The following CROCC2 variants were observed in gnomAD, a reference collection of about 807,000 sequenced individuals.
CROCC2 encodes ciliary rootlet coiled-coil, rootletin family member 2.
Under a neutral mutation model 177.6 loss-of-function variants are expected in CROCC2, and 163 were observed. The observed-to-expected ratio is 0.92, with a 90% confidence interval of 0.81 to 1.05. CROCC2 has a LOEUF of 1.05. Among genes scored for constraint, CROCC2 ranks in the 50% least tolerant of loss-of-function variants. The pLI is 0.00. For missense variants in CROCC2, 1,929 were observed against 1,797.8 expected (o/e 1.07, Z -1.32); for synonymous variants, 904 against 787.3 (o/e 1.15, Z -2.48).
In CROCC2 at chr2:240,953,505, C is replaced by A. The variant is rs1453220954; in HGVS notation, c.2830-2354C>A. Among the ~76,000 whole-genome samples, 1 of 152,114 alleles carries A rather than the reference C, an allele frequency of 6.6e-6. No homozygotes were observed. Among genetic ancestry groups the A allele is most frequent in the Non-Finnish European group, 1.5e-5 (1 of 68,026 alleles). On this transcript the variant is annotated intron_variant, in intron 18 of 31. Coordinates refer to ENST00000690015, the MANE Select transcript of CROCC2 (RefSeq NM_001351305.2). This position sits in a 1 kb window ranked among gnomAD's most constrained non-coding sequence, Gnocchi z 4.0. ...CCCTCCCCTGGACCCACAGCAGAAC[C>A]ACAATAAGGGGCACCCCAGGGGCAC...
Position 240,965,888 on chromosome 2 carries a change from G to T in CROCC2, c.3856G>T (p.Ala1286Ser). The T allele has an allele frequency of 7.0e-7, 1 of 1,436,194 alleles. No homozygotes were observed. The highest frequency in any genetic ancestry group is 9.1e-7 in the Non-Finnish European group (1 of 1,093,114). 89.0% of individuals were successfully genotyped at this position (1,436,194 alleles called of 1,614,324 possible). ...CCAGGCTGAGGGTGCAAGGCAGGAT[G>T]CGGAGGCCCAGCTGGGCCGGCTGTG... ...LAQAEGARQD[A>S]EAQLGRLCST... Residue 1286 changes from alanine to serine, a missense_variant, in exon 24 of 32, where the codon GCG becomes TCG. Coordinates refer to ENST00000690015, the MANE Select transcript of CROCC2 (RefSeq NM_001351305.2).
At chr2:240,921,245 C>T (rs554708555) in intron 3 of CROCC2, among the ~76,000 whole-genome samples, 3 of 152,302 alleles carry the variant, frequency 2.0e-5, no homozygotes, top group East Asian at 1.9e-4. Context: ...CTGAGGGGCC[C>T]GTTCTCTGCT....
intron 14 of CROCC2, among the ~76,000 whole-genome samples, 153 bp downstream of exon 14, chr2:240,935,741 G>A (rs764987858): frequency 1.8e-4 from 27 of 152,044 alleles, no homozygotes; most frequent in Non-Finnish European, 2.9e-4. Context: ...TGGCCTCCCC[G>A]TGGGGGTGGG....
chr2:240,909,339 A>ACCTGGGGTGAGCTCTACCTCCTCCC (rs2059272856), intron 1 of CROCC2, among the ~76,000 whole-genome samples: 5 of 150,444 alleles, frequency 3.3e-5, no homozygotes, highest in Middle Eastern at 3.4e-3. Flanking sequence ...TACCTCCTCC[A>ACCTGGGGTGAGCTCTACCTCCTCCC]CCTGGGGTGA....
In CROCC2 at chr2:240,949,846, T is replaced by C. The variant is rs752135605; in HGVS notation, c.2652+144T>C. The C allele has an allele frequency of 1.5e-4, 128 of 849,098 alleles. No individual in the cohort carries two copies. The highest frequency in any genetic ancestry group is 2.1e-4 in the Non-Finnish European group (118 of 554,090). The allele number at this position is 849,098 out of a possible 1,614,324, so 52.6% of individuals were successfully genotyped here. ...CAGGGCTGGGCAAGGACCAGCTCAC[T>C]CTTTATAGTTCACGTGGGCATCCAG... is the stretch of plus-strand genomic sequence containing the variant. On this transcript the variant is annotated intron_variant, in intron 17 of 31. Transcript: ENST00000690015. This position sits in a 1 kb window ranked among gnomAD's most constrained non-coding sequence, Gnocchi z 4.5.
intron 11 of CROCC2, 22 bp downstream of exon 11, chr2:240,933,874 G>A (rs1195108004): frequency 1.3e-6 from 2 of 1,536,752 alleles, no homozygotes; most frequent in Non-Finnish European, 1.8e-6. Context: ...TGGCTGGGTG[G>A]GCAGGGCCCC....
intron 14 of CROCC2, among the ~76,000 whole-genome samples, chr2:240,941,804 T>C (rs973887422): frequency 3.3e-5 from 5 of 152,234 alleles, no homozygotes; most frequent in African/African-American, 1.2e-4. Flanking sequence ...AAAATGTAGG[T>C]GTTGAAACTT....
At chr2:240,939,893 C>T (rs78146956) in intron 14 of CROCC2, among the ~76,000 whole-genome samples, 5,761 of 152,180 alleles carry the variant, frequency 0.038, 326 homozygotes, top group African/African-American at 0.13. Flanking sequence ...AATTCCATCA[C>T]GATCGGAGGA....
rs977206468 is a variant in CROCC2, at chr2:240,933,120, C to A, written c.1252-11C>A. ...GGCCAGAGAGGCCCACAACTTACCC[C>A]ACCCGAGCAGGAGCTGTGCCTGCAG... On this transcript the variant is annotated splice_polypyrimidine_tract_variant and intron_variant, in intron 9 of 31. Transcript: ENST00000690015. 6.5e-6 allele frequency: 10 copies of A among 1,550,074 alleles called. No individual in the cohort carries two copies. The highest frequency in any genetic ancestry group is 1.7e-4 in the Middle Eastern group (1 of 5,934).
rs1257435819 is a variant in CROCC2 at position 240,922,531 on chromosome 2, C to A, written c.382-8C>A. ...AGCCAGACCAGGTGGGCTATTGCTC[C>A]TCCCCAGCTGCAGGCCCGGCTGGAG... On this transcript the variant is annotated splice_polypyrimidine_tract_variant and splice_region_variant and intron_variant, in intron 3 of 31. Transcript: ENST00000690015. 1.2e-5 allele frequency: 8 copies of A among 694,704 alleles called. No individual in the cohort carries two copies. The highest frequency in any genetic ancestry group is 2.2e-5 in the Non-Finnish European group (8 of 371,558). The allele number at this position is 694,704 out of a possible 1,614,324, so 43.0% of individuals were successfully genotyped here.
chr2:240,937,927 G>A (rs906804711), intron 14 of CROCC2, among the ~76,000 whole-genome samples: 1 of 152,160 alleles, frequency 6.6e-6, no homozygotes, highest in African/African-American at 2.4e-5. Context: ...CCTCTCTCCT[G>A]CCACCATGTG....
chr2:240,955,852 T>G lies in CROCC2; in HGVS notation c.2830-7T>G, dbSNP rs1234136106. 2.2e-5 allele frequency: 34 copies of G among 1,528,612 alleles called. No individual in the cohort carries two copies. Among genetic ancestry groups the G allele is most frequent in the Non-Finnish European group, 2.9e-5 (33 of 1,141,198 alleles). The allele number at this position is 1,528,612 out of a possible 1,614,324, so 94.7% of individuals were successfully genotyped here. On this transcript the variant is annotated splice_region_variant and splice_polypyrimidine_tract_variant and intron_variant, in intron 18 of 31. Transcript: ENST00000690015. ...ACTTTCTCACAAGCATACCCCGTCC[T>G]GTTCAGGCCCTGTCCCTGAAAGAAA...
At chr2:240,988,697 C>T in intron 28 of CROCC2, 42 bp from the exon 29 acceptor site, 1 of 1,341,862 alleles carries the variant, frequency 7.5e-7, no homozygotes, top group South Asian at 2.1e-5. Flanking sequence ...ACCTCACTCC[C>T]TGCCAGGAGG....
rs943678179 is a variant in CROCC2 at position 240,963,433 on chromosome 2, A to G, written c.3088-123A>G. On this transcript the variant is annotated intron_variant, in intron 20 of 31. Transcript: ENST00000690015. The stretch of plus-strand genomic sequence containing the variant: ...TGGCTCCATGGGGTGAGCAAAGCGC[A>G]TGGGGACCAAGTTGGGCAGGGCACC... The G allele has an allele frequency of 6.1e-5, 64 of 1,042,754 alleles. No individual in the cohort carries two copies. The Middle Eastern group carries it at 9.7e-4, about 16-fold the overall frequency. 64.6% of individuals were successfully genotyped at this position (1,042,754 alleles called of 1,614,324 possible).
In CROCC2 at chr2:240,949,654, C is replaced by T. The variant is rs2059542102; in HGVS notation, c.2604C>T (p.Ser868=). 6.5e-7 allele frequency: 1 copy of T among 1,533,784 alleles called. No homozygotes were observed. Among genetic ancestry groups the T allele is most frequent in the Non-Finnish European group, 8.8e-7 (1 of 1,138,334 alleles). The change falls in exon 17 of 32, where the codon AGC becomes AGT. Residue 868 remains serine (S), a synonymous_variant. Transcript: ENST00000690015. This position sits in a 1 kb window ranked among gnomAD's most constrained non-coding sequence, Gnocchi z 4.5. ...QEREAQRALE[S]QALAHREALA... ...GGGAGGCACAGCGGGCCCTGGAGAG[C>T]CAGGCGTTGGCCCACCGAGAGGCCC... is the stretch of plus-strand genomic sequence containing the variant.
chr2:240,906,981 G>C (rs1280321845), intron 1 of CROCC2, among the ~76,000 whole-genome samples: 1 of 79,672 alleles, frequency 1.3e-5, no homozygotes, highest in African/African-American at 3.7e-5. Flanking sequence ...TGGAGAGAGA[G>C]CCCGGGGCCG....
chr2:240,934,532 G>T (rs1396077739), intron 12 of CROCC2, 57 bp downstream of exon 12: 2 of 1,485,150 alleles, frequency 1.3e-6, no homozygotes, highest in African/African-American at 2.9e-5. Flanking sequence ...ACCCACCCTG[G>T]CCTCACTGAC....
At position 240,958,680 on chromosome 2, in the gene CROCC2, G is replaced by A. The variant is rs2059609792; in HGVS notation, c.2944-621G>A. The A allele has an allele frequency of 2.6e-6, 2 of 770,744 alleles. No homozygotes were observed. The highest frequency in any genetic ancestry group is 1.3e-4 in the Admixed American group (2 of 15,986). 47.7% of individuals were successfully genotyped at this position (770,744 alleles called of 1,614,324 possible). A position where few individuals can be genotyped will look rare whatever the true frequency, so the allele number is the denominator to read the frequency against. On this transcript the variant is annotated intron_variant, in intron 19 of 31. Transcript: ENST00000690015. This position sits in a 1 kb window ranked among gnomAD's most constrained non-coding sequence, Gnocchi z 6.7. ...CAGGGCTCGGACCCTTCATGTTGAG[G>A]ACACTGAGGCCCAGGAAGCTGAGAC...
rs1467817206 is a variant in CROCC2 at position 240,949,098 on chromosome 2, G to A, written c.2482+1G>A. Reference sequence around the variant, plus strand: ...GGACTCGCGCGGCAGGCCTTGCAAGGTGCTCCAAGGGCGCTCCCTCAGCTC... The same window carrying A: ...GGACTCGCGCGGCAGGCCTTGCAAGATGCTCCAAGGGCGCTCCCTCAGCTC... On this transcript the variant is annotated splice_donor_variant, in intron 16 of 31. Transcript: ENST00000690015. LOFTEE classifies it high-confidence loss of function. The surrounding 1 kb of genome is among the most constrained non-coding windows in gnomAD (Gnocchi z 4.5). 2.6e-6 allele frequency: 4 copies of A among 1,536,178 alleles called. No individual in the cohort carries two copies. Among genetic ancestry groups the A allele is most frequent in the Admixed American group, 2.1e-5 (1 of 48,680 alleles).
Sources: gnomAD v4.1 joint callset for allele counts (sites outside exome capture counted in the v4.1 genomes callset) on GRCh38, gnomAD v4.1.1 for gene constraint, Gnocchi (gnomAD v3.1) non-coding constraint, MANE v1.5 for transcripts, NCBI Gene and HGNC (gene_info 2026-07-23, HGNC 2026-07-21) for gene names.